SPTB: variants seen among roughly 807,000 people sequenced by gnomAD.
SPTB encodes spectrin beta chain, erythrocytic.
In SPTB, 45 loss-of-function variants were observed where a neutral mutation model predicts 256.2. That is an observed-to-expected ratio of 0.18 (90% CI 0.14 to 0.23). The LOEUF is 0.23. Ranked by LOEUF, SPTB falls within the 10% of genes least tolerant of loss-of-function variation. The pLI is 1.00. For missense variants in SPTB, 2,715 were observed against 3,040.4 expected (o/e 0.89, Z 2.52); for synonymous variants, 1,231 against 1,243.1 (o/e 0.99, Z 0.21).
At position 64,841,766 on chromosome 14, in the gene SPTB, GTCTT is replaced by G. The variant is rs960256991; in HGVS notation, c.-51-18625_-51-18622del. Among the ~76,000 whole-genome samples the G allele has an allele frequency of 7.4e-5, 11 of 147,946 alleles. No individual in the cohort carries two copies. Among genetic ancestry groups the G allele is most frequent in the African/African-American group, 2.7e-4 (10 of 37,570 alleles). On this transcript the variant is annotated intron_variant, in intron 1 of 35. Transcript: ENST00000644917. The surrounding 1 kb of genome is among the most constrained non-coding windows in gnomAD (Gnocchi z 4.6). Reference sequence around the variant, plus strand: ...ATATATATATATATATTTTTTAAGGGTCTTTCTTTAACACAGCACACATTTACCT... The same window carrying G: ...ATATATATATATATATTTTTTAAGGGTCTTTAACACAGCACACATTTACCT...
Position 64,785,943 on chromosome 14 carries a change from A to G in SPTB, c.3570T>C (p.Thr1190=), listed in dbSNP as rs1417474588. The part of the protein sequence containing the change: ...AEAILSNQEY[T]LAHLEPPDSL... ...AGTCTGGGGGCTCCAAGTGAGCCAG[A>G]GTGTATTCCTGTTGGAACAAGTTTC... The change falls in exon 17 of 36, where the codon ACT becomes ACC. Residue 1190 remains threonine, a synonymous_variant. Coordinates refer to ENST00000644917, the MANE Select transcript of SPTB (RefSeq NM_001355436.2). This position sits in a 1 kb window ranked among gnomAD's most constrained non-coding sequence, Gnocchi z 4.4. 6.2e-7 allele frequency: 1 copy of G among 1,614,036 alleles called. No homozygotes were observed. Among genetic ancestry groups the G allele is most frequent in the Admixed American group, 1.7e-5 (1 of 60,024 alleles).
intron 1 of SPTB, among the ~76,000 whole-genome samples, chr14:64,835,698 TG>T (rs1288101290): frequency 1.3e-5 from 2 of 152,216 alleles, no homozygotes; most frequent in Non-Finnish European, 2.9e-5. Flanking sequence ...GAGGGATATT[TG>T]GCTCTTTATA....
Position 64,873,809 on chromosome 14 carries a change from A to G in SPTB, c.-52+5983T>C, listed in dbSNP as rs1051726070. On this transcript the variant is annotated intron_variant, in intron 1 of 35. Transcript: ENST00000644917. The surrounding 1 kb of genome is among the most constrained non-coding windows in gnomAD (Gnocchi z 4.3). ...GTCAGGTTTTGGAATAAACTACTAGAGGGACATTGAGTATATAAATGTACA... is the reference window on the plus strand; with the variant it reads ...GTCAGGTTTTGGAATAAACTACTAGGGGGACATTGAGTATATAAATGTACA... 6.6e-6 allele frequency among the ~76,000 whole-genome samples: 1 copy of G among 152,218 alleles called. No homozygotes were observed. Among genetic ancestry groups the G allele is most frequent in the Admixed American group, 6.5e-5 (1 of 15,280 alleles).
chr14:64,750,258 G>A, intron 33 of SPTB, 104 bp from the exon 34 acceptor site: 2 of 1,137,064 alleles, frequency 1.8e-6, no homozygotes, highest in Non-Finnish European at 2.5e-6. Flanking sequence ...TGTTTGTTCT[G>A]ATACATAGTA....
At position 64,794,610 on chromosome 14, in the gene SPTB, A is replaced by T. The variant is rs368886050; in HGVS notation, c.1652T>A (p.Leu551His). 112 of 1,614,090 alleles carry T rather than the reference A, an allele frequency of 6.9e-5. No homozygotes were observed. The highest frequency in any genetic ancestry group is 9.1e-5 in the Non-Finnish European group (107 of 1,180,050). Reference sequence around the variant, plus strand: ...GTGCTTCCCAAACTCGGCAGACAAGAGGTGAGCCTGGCAAAGAGAACAGCA... The same window carrying T: ...GTGCTTCCCAAACTCGGCAGACAAGTGGTGAGCCTGGCAAAGAGAACAGCA... ...IDWMDEIKAH[L>H]LSAEFGKHLL... Residue 551 changes from leucine to histidine, a missense_variant, in exon 13 of 36, where the codon CTC becomes CAC. Coordinates refer to ENST00000644917, the MANE Select transcript of SPTB (RefSeq NM_001355436.2).
At chr14:64,787,278 A>T in intron 15 of SPTB, 118 bp from the exon 16 acceptor site, 1 of 1,354,574 alleles carries the variant, frequency 7.4e-7, no homozygotes, top group Non-Finnish European at 1.0e-6. Flanking sequence ...CAGACTTTGT[A>T]TGATAAAAAG....
In SPTB at chr14:64,806,256, T is replaced by C. The variant is rs2082981804; in HGVS notation, c.149-1166A>G. On this transcript the variant is annotated intron_variant, in intron 2 of 35. Coordinates refer to ENST00000644917, the MANE Select transcript of SPTB (RefSeq NM_001355436.2). This position sits in a 1 kb window ranked among gnomAD's most constrained non-coding sequence, Gnocchi z 4.1. The stretch of plus-strand genomic sequence containing the variant: ...GAGAGGAGTGAGCCCTCTCTGGATT[T>C]ATGAACAGTTTGGTGGCAATTAGCT... Among the ~76,000 whole-genome samples, 1 of 152,168 alleles carries C rather than the reference T, an allele frequency of 6.6e-6. No individual in the cohort carries two copies. Among genetic ancestry groups the C allele is most frequent in the South Asian group, 2.1e-4 (1 of 4,822 alleles).
chr14:64,871,005 T>C (rs1044763930), intron 1 of SPTB, among the ~76,000 whole-genome samples: 1 of 152,248 alleles, frequency 6.6e-6, no homozygotes, highest in African/African-American at 2.4e-5. Context: ...ATGATGGTGA[T>C]GGCTGCACAG....
chr14:64,746,874 T>C lies in SPTB; in HGVS notation c.*2432A>G, dbSNP rs2081853021. Reference sequence around the variant, plus strand: ...GTTTGGGAATACTGTCAAAAGACTGTAGAGTAGAATAAGGAGAGAAAAAAA... The same window carrying C: ...GTTTGGGAATACTGTCAAAAGACTGCAGAGTAGAATAAGGAGAGAAAAAAA... On this transcript the variant is annotated 3_prime_UTR_variant, in exon 36 of 36. Coordinates refer to ENST00000644917, the MANE Select transcript of SPTB (RefSeq NM_001355436.2). This position sits in a 1 kb window ranked among gnomAD's most constrained non-coding sequence, Gnocchi z 4.9. 1 of 150,100 alleles carries C rather than the reference T, an allele frequency of 6.7e-6. No individual in the cohort carries two copies. Among genetic ancestry groups the C allele is most frequent in the Admixed American group, 6.6e-5 (1 of 15,104 alleles). The allele number at this position is 150,100 out of a possible 1,614,324, so 9.3% of individuals were successfully genotyped here.
chr14:64,878,367 C>T (rs749768759), intron 1 of SPTB, among the ~76,000 whole-genome samples: 3 of 152,114 alleles, frequency 2.0e-5, no homozygotes, highest in Non-Finnish European at 2.9e-5. Context: ...GCTGGACATT[C>T]AGCATACATT....
intron 15 of SPTB, among the ~76,000 whole-genome samples, chr14:64,788,456 G>C (rs1256662530): frequency 6.6e-6 from 1 of 152,194 alleles, no homozygotes; most frequent in Non-Finnish European, 1.5e-5. Flanking sequence ...AGAGAGGAGA[G>C]AGAGCCTGCA....
At chr14:64,770,782 C>T in intron 27 of SPTB, 103 bp downstream of exon 27, 2 of 1,559,096 alleles carry the variant, frequency 1.3e-6, no homozygotes, top group Non-Finnish European at 1.8e-6. Context: ...AACGATAGTC[C>T]AGGACTGTCC....
intron 28 of SPTB, 117 bp from the exon 29 acceptor site, chr14:64,769,235 T>A: frequency 9.6e-7 from 1 of 1,037,412 alleles, no homozygotes; most frequent in Admixed American, 1.8e-5. Flanking sequence ...TGGCTTCAAG[T>A]CTTGGCCCAG....
rs564323077 is a variant in SPTB at position 64,851,253 on chromosome 14, T to C, written c.-51-28108A>G. Reference sequence around the variant, plus strand: ...ATGAGCAGATTTCCTGTGTCATGGGTTCAAATTCCAGCTCTGCCACTTACT... The same window carrying C: ...ATGAGCAGATTTCCTGTGTCATGGGCTCAAATTCCAGCTCTGCCACTTACT... On this transcript the variant is annotated intron_variant, in intron 1 of 35. Coordinates refer to ENST00000644917, the MANE Select transcript of SPTB (RefSeq NM_001355436.2). Among the ~76,000 whole-genome samples, 6 of 152,330 alleles carry C rather than the reference T, an allele frequency of 3.9e-5. No individual in the cohort carries two copies. The East Asian group carries it at 9.6e-4, about 24-fold the overall frequency.
rs1032986073 is a variant in SPTB at position 64,802,693 on chromosome 14, A to G, written c.475-376T>C. Among the ~76,000 whole-genome samples the G allele has an allele frequency of 2.0e-5, 3 of 152,308 alleles. No individual in the cohort carries two copies. Among genetic ancestry groups the G allele is most frequent in the Admixed American group, 1.3e-4 (2 of 15,302 alleles). On this transcript the variant is annotated intron_variant, in intron 4 of 35. Transcript: ENST00000644917. The surrounding 1 kb of genome is among the most constrained non-coding windows in gnomAD (Gnocchi z 5.1). ...GCCTGAGGACACACAGAGGTAAAAC[A>G]AATTTCTTGCCCTCAAGGAGTAGCC...
rs1006450818 is a variant in SPTB, at chr14:64,847,802, C to A, written c.-51-24657G>T. Among the ~76,000 whole-genome samples, 1 of 152,204 alleles carries A rather than the reference C, an allele frequency of 6.6e-6. No individual in the cohort carries two copies. Among genetic ancestry groups the A allele is most frequent in the African/African-American group, 2.4e-5 (1 of 41,454 alleles). On this transcript the variant is annotated intron_variant, in intron 1 of 35. Transcript: ENST00000644917. This position sits in a 1 kb window ranked among gnomAD's most constrained non-coding sequence, Gnocchi z 5.9. Reference sequence around the variant, plus strand: ...TGCTGTCGTGTCAGCCAGCACAGAGCAGCTCTTGGGAAGCATGCCTTATTT... The same window carrying A: ...TGCTGTCGTGTCAGCCAGCACAGAGAAGCTCTTGGGAAGCATGCCTTATTT...
At chr14:64,794,818 G>GA (rs2082737377) in intron 12 of SPTB, among the ~76,000 whole-genome samples, 1 of 152,216 alleles carries the variant, frequency 6.6e-6, no homozygotes, top group Non-Finnish European at 1.5e-5. Flanking sequence ...ATCATCCATA[G>GA]AACATCTTAC....
chr14:64,751,810 G>A (rs1566731792), intron 33 of SPTB, among the ~76,000 whole-genome samples: 2 of 148,430 alleles, frequency 1.3e-5, no homozygotes, highest in South Asian at 2.1e-4. Flanking sequence ...TCGGCCGGGC[G>A]TGGTGGCTCA....
rs1261556869 is a variant in SPTB at position 64,759,849 on chromosome 14, G to T, written c.6346-6056C>A. 5.3e-5 allele frequency among the ~76,000 whole-genome samples: 8 copies of T among 152,224 alleles called. No homozygotes were observed. Among genetic ancestry groups the T allele is most frequent in the Non-Finnish European group, 1.0e-4 (7 of 68,040 alleles). Reference sequence around the variant, plus strand: ...AAGAAATTCTGGGTGTCCAGTTGCGGGCAGCAAGGGAGTCTAGACCATAAA... The same window carrying T: ...AAGAAATTCTGGGTGTCCAGTTGCGTGCAGCAAGGGAGTCTAGACCATAAA... On this transcript the variant is annotated intron_variant, in intron 32 of 35. Coordinates refer to ENST00000644917, the MANE Select transcript of SPTB (RefSeq NM_001355436.2). The surrounding 1 kb of genome is among the most constrained non-coding windows in gnomAD (Gnocchi z 4.8).
Sources: gnomAD v4.1 joint callset for allele counts (sites outside exome capture counted in the v4.1 genomes callset) on GRCh38, gnomAD v4.1.1 for gene constraint, Gnocchi (gnomAD v3.1) non-coding constraint, MANE v1.5 for transcripts, NCBI Gene and HGNC (gene_info 2026-07-23, HGNC 2026-07-21) for gene names.